The following TNR variants were observed in gnomAD, a reference collection of about 807,000 sequenced individuals.
TNR encodes the protein tenascin-R.
Under a neutral mutation model 150.4 loss-of-function variants are expected in TNR, and 45 were observed. That is an observed-to-expected ratio of 0.30 (90% CI 0.24 to 0.38). The LOEUF (loss-of-function observed/expected upper bound fraction) is 0.38, where lower values mean the gene tolerates loss of function less well. Ranked by LOEUF, TNR falls within the 10% of genes least tolerant of loss-of-function variation. The pLI is 1.00. For synonymous variants in TNR, 687 were observed against 678.4 expected (o/e 1.01, Z -0.20); for missense variants, 1,544 against 1,759.1 (o/e 0.88, Z 2.19).
At chr1:175,656,454 C>G (rs1237756241) in intron 1 of TNR, among the ~76,000 whole-genome samples, 1 of 152,248 alleles carries the variant, frequency 6.6e-6, no homozygotes, top group Non-Finnish European at 1.5e-5. Flanking sequence ...ATTCAGCCAG[C>G]TCAGCCCAGC....
chr1:175,625,370 T>A (rs1357701971), intron 1 of TNR, among the ~76,000 whole-genome samples: 1 of 152,184 alleles, frequency 6.6e-6, no homozygotes, highest in Non-Finnish European at 1.5e-5. Context: ...ATGTAATGGC[T>A]GGTAAAGGGG....
chr1:175,373,810 C>A (rs1345896993), intron 9 of TNR, among the ~76,000 whole-genome samples: 1 of 152,182 alleles, frequency 6.6e-6, no homozygotes, highest in Non-Finnish European at 1.5e-5. Context: ...TATCCCCAGC[C>A]TTTAAGACAA....
At chr1:175,732,231 T>C (rs1348866972) in intron 1 of TNR, among the ~76,000 whole-genome samples, 1 of 152,184 alleles carries the variant, frequency 6.6e-6, no homozygotes, top group Non-Finnish European at 1.5e-5. Flanking sequence ...TCAGAATCCA[T>C]TTTAGAAATT....
chr1:175,530,121 G>A (rs948475188), intron 1 of TNR, among the ~76,000 whole-genome samples: 1 of 152,130 alleles, frequency 6.6e-6, no homozygotes, highest in Non-Finnish European at 1.5e-5. Flanking sequence ...CCCAATCTCG[G>A]TTCCTTAAGT....
intron 1 of TNR, among the ~76,000 whole-genome samples, chr1:175,724,715 G>A (rs893560603): frequency 7.2e-5 from 11 of 152,182 alleles, no homozygotes; most frequent in African/African-American, 2.4e-4. Flanking sequence ...ACTTTCAAAT[G>A]ATAAAGAGAA....
At chr1:175,392,113 G>A (rs910988577) in intron 6 of TNR, among the ~76,000 whole-genome samples, 25 of 152,040 alleles carry the variant, frequency 1.6e-4, no homozygotes, top group Admixed American at 1.1e-3. Context: ...AAGAGAAGAA[G>A]GAGACAAGAG....
intron 2 of TNR, among the ~76,000 whole-genome samples, chr1:175,502,905 T>C (rs1462518625): frequency 6.6e-6 from 1 of 152,034 alleles, no homozygotes; most frequent in African/African-American, 2.4e-5. Context: ...ATGGACCCCC[T>C]AGACGAACCA....
At chr1:175,512,583 C>G (rs776724962) in intron 2 of TNR, among the ~76,000 whole-genome samples, 2 of 152,184 alleles carry the variant, frequency 1.3e-5, no homozygotes, top group African/African-American at 2.4e-5. Flanking sequence ...TGACTTGGGT[C>G]AGTCATATTC....
At position 175,612,703 on chromosome 1, in the gene TNR, C is replaced by T. The variant is rs137922899; in HGVS notation, c.-164-84334G>A. 1.2e-3 allele frequency among the ~76,000 whole-genome samples: 182 copies of T among 152,258 alleles called. 1 individual carries two copies. Among genetic ancestry groups the T allele is most frequent in the Non-Finnish European group, 8.8e-5 (6 of 68,014 alleles). ...CGTATCCTTAATCTTTCTGTGATGTCTTTAAAATCCCAAACCACTTATGAG... is the reference window on the plus strand; with the variant it reads ...CGTATCCTTAATCTTTCTGTGATGTTTTTAAAATCCCAAACCACTTATGAG... On this transcript the variant is annotated intron_variant, in intron 1 of 22. Transcript: ENST00000367674.
chr1:175,489,338 T>A (rs1301768467), intron 2 of TNR, among the ~76,000 whole-genome samples: 1 of 152,148 alleles, frequency 6.6e-6, no homozygotes, highest in African/African-American at 2.4e-5. Flanking sequence ...ACTGTTCCAC[T>A]CCACAGATGG....
Position 175,364,991 on chromosome 1 carries a change from C to A in TNR, c.2587+19G>T. On this transcript the variant is annotated intron_variant, in intron 12 of 22. Transcript: ENST00000367674. ...TGAAAACCCCTTTCATCACCTGCTG[C>A]CAAGTCCTCCAGCCTCACCTGTGGT... 1 of 1,582,282 alleles carries A rather than the reference C, an allele frequency of 6.3e-7. No individual in the cohort carries two copies. Among genetic ancestry groups the A allele is most frequent in the Non-Finnish European group, 8.6e-7 (1 of 1,160,494 alleles).
intron 1 of TNR, among the ~76,000 whole-genome samples, chr1:175,650,891 A>G (rs1664955708): frequency 1.9e-5 from 2 of 106,376 alleles, no homozygotes. Context: ...CCACCTCATT[A>G]CTACCCCTCT....
At chr1:175,634,704 C>T (rs1026599901) in intron 1 of TNR, among the ~76,000 whole-genome samples, 4 of 152,084 alleles carry the variant, frequency 2.6e-5, no homozygotes, top group Non-Finnish European at 4.4e-5. Context: ...GTATGGACAC[C>T]GAGGCATGGA....
At chr1:175,434,993 GC>G (rs1655436046) in intron 2 of TNR, among the ~76,000 whole-genome samples, 1 of 152,138 alleles carries the variant, frequency 6.6e-6, no homozygotes, top group South Asian at 2.1e-4. Context: ...CTTTTACGTT[GC>G]CTTGGTAATA....
At chr1:175,678,211 C>T (rs1002007116) in intron 1 of TNR, among the ~76,000 whole-genome samples, 4 of 152,092 alleles carry the variant, frequency 2.6e-5, no homozygotes, top group Admixed American at 6.5e-5. Context: ...AGGGAGGTGG[C>T]GTTGAGTACC....
At chr1:175,420,225 G>A (rs1654689931) in intron 2 of TNR, among the ~76,000 whole-genome samples, 1 of 152,106 alleles carries the variant, frequency 6.6e-6, no homozygotes, top group Admixed American at 6.6e-5. Context: ...CCAACCCGTG[G>A]CTGTCCTGTG....
At chr1:175,393,597 G>A (rs1653281056) in intron 6 of TNR, among the ~76,000 whole-genome samples, 183 bp downstream of exon 6, 6 of 152,150 alleles carry the variant, frequency 3.9e-5, no homozygotes. Context: ...TTGTCAGCAG[G>A]TCGTTACCAC....
intron 1 of TNR, among the ~76,000 whole-genome samples, chr1:175,540,112 T>A (rs1220994747): frequency 6.6e-6 from 1 of 152,050 alleles, no homozygotes; most frequent in Non-Finnish European, 1.5e-5. Flanking sequence ...ACTGTTTTGG[T>A]TTTCTGTTTT....
intron 1 of TNR, among the ~76,000 whole-genome samples, chr1:175,561,015 C>T (rs1661405484): frequency 6.6e-6 from 1 of 152,134 alleles, no homozygotes; most frequent in South Asian, 2.1e-4. Context: ...GCATCTTTAA[C>T]GTTCCCCAAG....
Sources: allele counts gnomAD v4.1 joint callset (sites outside exome capture counted in the v4.1 genomes callset), GRCh38; gene constraint gnomAD v4.1.1; transcripts MANE v1.5; gene names NCBI Gene and HGNC (gene_info 2026-07-23, HGNC 2026-07-21).